The following ZNF475 variants were observed in gnomAD, a reference collection of about 807,000 sequenced individuals.
ZNF475 encodes the protein zinc finger protein 475.
chr5:122,173,056 A>G, the ZNF475 span, among the ~76,000 whole-genome samples: 1 of 152,084 alleles, frequency 6.6e-6, no homozygotes, highest in Non-Finnish European at 1.5e-5. Context: ...GAAATGAACA[A>G]ATGTGGAGTG....
At chr5:122,169,302 T>C in the ZNF475 span, among the ~76,000 whole-genome samples, 2 of 152,244 alleles carry the variant, frequency 1.3e-5, no homozygotes, top group African/African-American at 2.4e-5. Flanking sequence ...CCTTTCTTTC[T>C]GCTTCAGACT....
At chr5:122,179,810 T>C in the ZNF475 span, 21 of 1,105,072 alleles carry the variant, frequency 1.9e-5, no homozygotes, top group South Asian at 6.8e-5. Context: ...GTATTCTTTT[T>C]TCACTTGTTC....
At chr5:122,177,913 G>A in the ZNF475 span, among the ~76,000 whole-genome samples, 1 of 151,734 alleles carries the variant, frequency 6.6e-6, no homozygotes, top group Non-Finnish European at 1.5e-5. Flanking sequence ...GCCCCCAACA[G>A]GCCCCAGTGT....
At chr5:122,177,668 T>A in the ZNF475 span, among the ~76,000 whole-genome samples, 1 of 152,172 alleles carries the variant, frequency 6.6e-6, no homozygotes, top group South Asian at 2.1e-4. Flanking sequence ...TAAATCATGT[T>A]GATTTTCCAG....
chr5:122,164,162 C>A, the ZNF475 span, among the ~76,000 whole-genome samples: 1 of 151,964 alleles, frequency 6.6e-6, no homozygotes, highest in Non-Finnish European at 1.5e-5. Context: ...AGGAAAATAC[C>A]TTTTATTGGG....
At chr5:122,167,112 A>C in the ZNF475 span, among the ~76,000 whole-genome samples, 2 of 151,504 alleles carry the variant, frequency 1.3e-5, no homozygotes, top group Non-Finnish European at 2.9e-5. Context: ...AGGTGTAAGG[A>C]AGGGATGCAG....
chr5:122,176,636 A>G, the ZNF475 span, among the ~76,000 whole-genome samples: 1 of 152,140 alleles, frequency 6.6e-6, no homozygotes, highest in African/African-American at 2.4e-5. Flanking sequence ...GTAGGAGAGT[A>G]TACACAGACG....
chr5:122,174,846 T>TA, the ZNF475 span, among the ~76,000 whole-genome samples: 1 of 152,214 alleles, frequency 6.6e-6, no homozygotes, highest in Non-Finnish European at 1.5e-5. Flanking sequence ...CATTTTAAAC[T>TA]AAAAATCTGC....
At chr5:122,182,512 A>G in the ZNF475 span, 1 of 1,512,042 alleles carries the variant, frequency 6.6e-7, no homozygotes, top group Non-Finnish European at 8.8e-7. Flanking sequence ...TATGATCTTG[A>G]TGCTTTAAAT....
the ZNF475 span, chr5:122,182,499 TTCTATGA>T: frequency 6.7e-7 from 1 of 1,483,400 alleles, no homozygotes; most frequent in Non-Finnish European, 8.9e-7. Flanking sequence ...AGCCAAAGGC[TTCTATGA>T]TCTTGATGCT....
At chr5:122,180,895 C>G in the ZNF475 span, among the ~76,000 whole-genome samples, 6 of 152,148 alleles carry the variant, frequency 3.9e-5, no homozygotes, top group Non-Finnish European at 8.8e-5. Context: ...ATGAAAATGA[C>G]CAGCTACTGA....
At chr5:122,179,474 A>G in the ZNF475 span, 4 of 638,420 alleles carry the variant, frequency 6.3e-6, no homozygotes, top group African/African-American at 7.4e-5. Context: ...TGTAAGTTGT[A>G]TTCCTAGGTA....
chr5:122,175,046 TTTAG>T, the ZNF475 span, among the ~76,000 whole-genome samples: 2 of 152,178 alleles, frequency 1.3e-5, no homozygotes, highest in African/African-American at 4.8e-5. Context: ...TAAATAACTA[TTTAG>T]TTATTTTGAT....
the ZNF475 span, chr5:122,163,191 G>A: frequency 6.6e-6 from 1 of 152,214 alleles, no homozygotes; most frequent in Non-Finnish European, 1.5e-5. Context: ...CTCTGCAACA[G>A]AAACCAGCTT....
At chr5:122,162,856 G>A in the ZNF475 span, 1 of 152,260 alleles carries the variant, frequency 6.6e-6, no homozygotes, top group Non-Finnish European at 1.5e-5. Context: ...GTAGTTGGGA[G>A]AGCAAAGGCA....
chr5:122,179,757 T>C, the ZNF475 span: 1 of 1,456,454 alleles, frequency 6.9e-7, no homozygotes, highest in African/African-American at 1.4e-5. Flanking sequence ...AAGATTTGAG[T>C]GCATAAGGGG....
chr5:122,182,614 G>A, the ZNF475 span: 589,589 of 1,534,148 alleles, frequency 0.38, 118,428 homozygotes, highest in East Asian at 0.48. Flanking sequence ...GTTCACCAAC[G>A]ATCTTGTAAA....
chr5:122,161,761 G>C, the ZNF475 span, among the ~76,000 whole-genome samples: 1 of 151,856 alleles, frequency 6.6e-6, no homozygotes, highest in Non-Finnish European at 1.5e-5. Context: ...CTGTGACCTA[G>C]AAGCCAACTG....
At chr5:122,167,772 A>G in the ZNF475 span, among the ~76,000 whole-genome samples, 1 of 152,192 alleles carries the variant, frequency 6.6e-6, no homozygotes, top group Non-Finnish European at 1.5e-5. Context: ...GAACATTTTC[A>G]TTACCTTCCA....
Sources: gnomAD v4.1 joint callset for allele counts (sites outside exome capture counted in the v4.1 genomes callset) on GRCh38, gnomAD v4.1.1 for gene constraint, MANE v1.5 for transcripts, NCBI Gene and HGNC (gene_info 2026-07-23, HGNC 2026-07-21) for gene names.